PRLR: variants seen among roughly 807,000 people sequenced by gnomAD.
The protein encoded by PRLR is prolactin receptor, also known as hPRL receptor.
A neutral mutation model predicts 40.2 loss-of-function variants in PRLR; 13 were observed. That is an observed-to-expected ratio of 0.32 (90% CI 0.21 to 0.51). PRLR has a LOEUF of 0.51. Among genes scored for constraint, PRLR ranks in the 20% least tolerant of loss-of-function variants. The probability of loss-of-function intolerance (pLI) is 0.97; values close to 1 mark genes in which losing one functional copy is unlikely to be tolerated. For missense variants in PRLR, 656 were observed against 747.3 expected (o/e 0.88, Z 1.42); for synonymous variants, 269 against 278.7 (o/e 0.97, Z 0.35).
chr5:35,089,379 A>G (rs1271714781), intron 3 of PRLR, among the ~76,000 whole-genome samples, 172 bp downstream of exon 3: 1 of 152,240 alleles, frequency 6.6e-6, no homozygotes, highest in African/African-American at 2.4e-5. Context: ...CATTAATTGC[A>G]TTAATTTTTC....
chr5:35,193,821 G>A (rs911919665), intron 1 of PRLR, among the ~76,000 whole-genome samples: 1 of 152,160 alleles, frequency 6.6e-6, no homozygotes, highest in African/African-American at 2.4e-5. Context: ...AGGTCATATG[G>A]GCTAATTCTG....
chr5:35,065,788 G>A lies in PRLR; in HGVS notation c.1170C>T (p.His390=). 1.2e-6 allele frequency: 2 copies of A among 1,614,164 alleles called. No homozygotes were observed. Among genetic ancestry groups the A allele is most frequent in the Non-Finnish European group, 1.7e-6 (2 of 1,180,032 alleles). Residue 390 remains histidine, a synonymous_variant, in exon 10 of 10, where the codon CAC becomes CAT. Transcript: ENST00000618457. The part of the protein sequence containing the change: ...IEKPENPETT[H]TWDPQCISME... ...TGCTTATGCACTGGGGGTCCCAGGT[G>A]TGGGTTGTTTCAGGATTCTCTGGCT...
chr5:35,217,905 T>C (rs747209022), intron 1 of PRLR, among the ~76,000 whole-genome samples: 64 of 152,220 alleles, frequency 4.2e-4, no homozygotes, highest in Non-Finnish European at 6.5e-4. Context: ...CTCTGATCTT[T>C]AAATGACTTG....
intron 1 of PRLR, among the ~76,000 whole-genome samples, chr5:35,186,799 C>A (rs1775447459): frequency 6.6e-6 from 1 of 152,146 alleles, no homozygotes; most frequent in Non-Finnish European, 1.5e-5. Context: ...CTATTTGATT[C>A]ACTGAAAAGT....
chr5:35,141,777 C>A (rs1295093910), intron 1 of PRLR, among the ~76,000 whole-genome samples: 1 of 152,156 alleles, frequency 6.6e-6, no homozygotes, highest in African/African-American at 2.4e-5. Context: ...TAAGTCTATG[C>A]TTTAGGGAGC....
intron 2 of PRLR, among the ~76,000 whole-genome samples, chr5:35,092,607 G>T (rs1320455818): frequency 6.6e-6 from 1 of 152,142 alleles, no homozygotes; most frequent in Non-Finnish European, 1.5e-5. Flanking sequence ...TTGATCGAGG[G>T]CAGGCGTGGC....
At chr5:35,169,748 A>G (rs1422465583) in intron 1 of PRLR, among the ~76,000 whole-genome samples, 1 of 152,222 alleles carries the variant, frequency 6.6e-6, no homozygotes, top group African/African-American at 2.4e-5. Context: ...TTTTTGAATT[A>G]TACGACTTTT....
At chr5:35,102,487 TCTCCTCTCCA>T (rs1356989304) in intron 2 of PRLR, among the ~76,000 whole-genome samples, 1,362 of 102,168 alleles carry the variant, frequency 0.013, 87 homozygotes, top group African/African-American at 0.059. Flanking sequence ...TCCCGTCCCG[TCTCCTCTCCA>T]CTCCTCTCCT....
chr5:35,084,829 T>C (rs1007318317), intron 4 of PRLR, among the ~76,000 whole-genome samples, 190 bp from the exon 5 acceptor site: 1 of 152,222 alleles, frequency 6.6e-6, no homozygotes, highest in African/African-American at 2.4e-5. Context: ...GAAGAGCATG[T>C]TGGAAAGGTT....
intron 1 of PRLR, among the ~76,000 whole-genome samples, chr5:35,185,179 C>T (rs1325509936): frequency 2.0e-5 from 3 of 152,216 alleles, no homozygotes; most frequent in African/African-American, 7.2e-5. Context: ...CGTCCATACA[C>T]TGAGAAGGAC....
At chr5:35,091,510 T>C (rs1409884011) in intron 2 of PRLR, among the ~76,000 whole-genome samples, 1 of 152,196 alleles carries the variant, frequency 6.6e-6, no homozygotes, top group African/African-American at 2.4e-5. Flanking sequence ...GTCAGTCAAA[T>C]GCCCATGGGG....
chr5:35,215,269 C>T (rs1195833948), intron 1 of PRLR, among the ~76,000 whole-genome samples: 2 of 152,138 alleles, frequency 1.3e-5, no homozygotes, highest in Non-Finnish European at 1.5e-5. Context: ...TGGTGAAGTA[C>T]AAGAAGGGTG....
intron 1 of PRLR, among the ~76,000 whole-genome samples, chr5:35,228,349 T>C (rs1369525164): frequency 2.0e-5 from 3 of 152,066 alleles, no homozygotes; most frequent in Non-Finnish European, 4.4e-5. Flanking sequence ...GCCCAGTCTG[T>C]TGAGCTCCAA....
chr5:35,186,948 T>A (rs936524435), intron 1 of PRLR, among the ~76,000 whole-genome samples: 4 of 152,024 alleles, frequency 2.6e-5, no homozygotes, highest in African/African-American at 9.7e-5. Context: ...GCACCCGCGG[T>A]GGCATGTGGC....
At chr5:35,220,462 T>C (rs893773382) in intron 1 of PRLR, among the ~76,000 whole-genome samples, 6 of 152,228 alleles carry the variant, frequency 3.9e-5, no homozygotes, top group African/African-American at 7.2e-5. Flanking sequence ...GTGCAACTTG[T>C]ACAAGCTATT....
intron 2 of PRLR, among the ~76,000 whole-genome samples, chr5:35,101,353 G>C (rs1448946852): frequency 7.9e-5 from 12 of 152,132 alleles, no homozygotes; most frequent in Non-Finnish European, 2.9e-5. Flanking sequence ...TATTCCTAAG[G>C]GATAGGTTCT....
chr5:35,084,637 T>C lies in PRLR; in HGVS notation c.206A>G (p.Glu69Gly). ...GTCTGGACATTCATGCATGAGTGTC[T>C]CTCTGCAATAAGTAATGTATTAGGA... ...NYSLTYHREG[E>G]TLMHECPDYI... Residue 69 changes from glutamate to glycine, a missense_variant and splice_region_variant, in exon 5 of 10, where the codon GAG becomes GGG. Glu to Gly is a moderately conservative substitution (Grantham distance 98). This residue lies in a region of PRLR where 180 missense variants were observed against 236.8 expected (regional missense o/e 0.76). Transcript: ENST00000618457. The C allele has an allele frequency of 6.2e-7, 1 of 1,608,424 alleles. No individual in the cohort carries two copies. Among genetic ancestry groups the C allele is most frequent in the Non-Finnish European group, 8.5e-7 (1 of 1,177,678 alleles).
chr5:35,084,238 G>T (rs1010491473), intron 5 of PRLR, among the ~76,000 whole-genome samples: 1 of 152,212 alleles, frequency 6.6e-6, no homozygotes, highest in Non-Finnish European at 1.5e-5. Flanking sequence ...AGTGCAAGAG[G>T]ATGAGGGTCA....
At chr5:35,148,643 T>C (rs1774254146) in intron 1 of PRLR, among the ~76,000 whole-genome samples, 2 of 152,208 alleles carry the variant, frequency 1.3e-5, no homozygotes, top group South Asian at 4.1e-4. Flanking sequence ...AAGGATTCAA[T>C]AACTGTAGAT....
Sources: allele counts gnomAD v4.1 joint callset (sites outside exome capture counted in the v4.1 genomes callset), GRCh38; gene constraint gnomAD v4.1.1; regional missense constraint gnomAD v4.1.1; transcripts MANE v1.5; gene names NCBI Gene and HGNC (gene_info 2026-07-23, HGNC 2026-07-21).